Variants in PP2D1 observed in about 807,000 individuals in gnomAD.
The protein encoded by PP2D1 is protein phosphatase 2C like domain containing 1.
PP2D1 carries 25 observed loss-of-function variants against 30.2 expected under a neutral mutation model. The ratio of observed to expected loss-of-function variants is 0.83; its 90% CI spans 0.60 to 1.16. PP2D1 has a LOEUF of 1.16. Ranked by LOEUF, PP2D1 falls within the 50% of genes most tolerant of loss-of-function variation. The pLI is 0.00. For synonymous variants in PP2D1, 260 were observed against 258.9 expected, an observed-to-expected ratio of 1.00 and a Z score of -0.04; for missense variants, 760 against 742.4, an observed-to-expected ratio of 1.02 and a Z score of -0.28.
chr3:20,001,648 T>C lies in PP2D1; in HGVS notation c.472A>G (p.Ile158Val), dbSNP rs1697254559. ...KIFDNIDRSV[I>V]YSQKICHLLI... Reference sequence around the variant, plus strand: ...AGATGACATATTTTTTGAGAATATATGACACTCCTGTCAATGTTATCAAAA... The same window carrying C: ...AGATGACATATTTTTTGAGAATATACGACACTCCTGTCAATGTTATCAAAA... The change falls in exon 2 of 3, where the codon ATA becomes GTA. Residue 158 changes from isoleucine to valine, a missense_variant. Transcript: ENST00000389050. 6.5e-6 allele frequency: 10 copies of C among 1,536,246 alleles called. No homozygotes were observed. The East Asian group carries it at 2.4e-4, about 38-fold the overall frequency.
At chr3:19,995,900 T>C (rs1483436551) in intron 2 of PP2D1, among the ~76,000 whole-genome samples, 1 of 151,930 alleles carries the variant, frequency 6.6e-6, no homozygotes, top group Non-Finnish European at 1.5e-5. Context: ...ATAAAGGAAA[T>C]CAAAAACTTC....
At chr3:19,996,197 G>T (rs747030014) in intron 2 of PP2D1, among the ~76,000 whole-genome samples, 2 of 151,856 alleles carry the variant, frequency 1.3e-5, no homozygotes, top group African/African-American at 2.4e-5. Flanking sequence ...CCATTAGCTA[G>T]CCTAAACAAG....
At chr3:20,002,653 C>T (rs1006276180) in intron 1 of PP2D1, among the ~76,000 whole-genome samples, 2 of 152,218 alleles carry the variant, frequency 1.3e-5, no homozygotes, top group Non-Finnish European at 2.9e-5. Context: ...GGCACGGTGG[C>T]TCACGCCTGT....
chr3:19,987,885 C>A (rs1456518240), intron 2 of PP2D1, among the ~76,000 whole-genome samples: 1 of 152,156 alleles, frequency 6.6e-6, no homozygotes, highest in Non-Finnish European at 1.5e-5. Flanking sequence ...GTTAATACTT[C>A]TATAATTTCT....
intron 2 of PP2D1, among the ~76,000 whole-genome samples, chr3:19,986,914 G>A (rs769855776): frequency 7.2e-5 from 11 of 151,894 alleles, no homozygotes; most frequent in Non-Finnish European, 2.9e-5. Flanking sequence ...CCATGTTCCT[G>A]TAATCTCAGC....
At chr3:20,005,319 AT>A (rs1055391902) in intron 1 of PP2D1, among the ~76,000 whole-genome samples, 3 of 151,476 alleles carry the variant, frequency 2.0e-5, no homozygotes, top group Non-Finnish European at 4.4e-5. Context: ...CACCTGGCTA[AT>A]TTTGTATTTT....
intron 1 of PP2D1, among the ~76,000 whole-genome samples, chr3:20,005,186 C>A (rs1286069422): frequency 6.6e-6 from 1 of 151,196 alleles, no homozygotes. Context: ...GAGTTTCGCT[C>A]TTGTTGCCCA....
At chr3:19,989,672 T>C (rs1214927248) in intron 2 of PP2D1, among the ~76,000 whole-genome samples, 1 of 152,156 alleles carries the variant, frequency 6.6e-6, no homozygotes, top group Admixed American at 6.5e-5. Flanking sequence ...ACTGAGTAAA[T>C]GGAATTGTTA....
rs563768728 is a variant in PP2D1 at position 19,986,002 on chromosome 3, C to T, written c.1271G>A (p.Gly424Glu). 1.1e-5 allele frequency: 17 copies of T among 1,536,084 alleles called. 1 individual carries two copies. In the South Asian group the frequency reaches 1.5e-4, roughly 14 times the overall value. The change falls in exon 3 of 3, where the codon GGA becomes GAA. Residue 424 changes from glycine to glutamate, a missense_variant. Around this residue, in one of 3 missense-constraint regions of PP2D1, gnomAD observed 369 missense variants for 316.2 expected, o/e 1.17. Coordinates refer to ENST00000389050, the MANE Select transcript of PP2D1 (RefSeq NM_001252657.2). ...VKTTRGLGFH[G>E]NLKLKKSIIP... Reference sequence around the variant, plus strand: ...AATGGATTTTTTCAGCTTGAGATTTCCATGAAATCCAAGTCCTCGTGTAGT... The same window carrying T: ...AATGGATTTTTTCAGCTTGAGATTTTCATGAAATCCAAGTCCTCGTGTAGT...
At chr3:19,983,720 C>G (rs1472341323), downstream of PP2D1, 2 of 1,608,230 alleles carry the variant, frequency 1.2e-6, no homozygotes, top group Non-Finnish European at 1.7e-6. Flanking sequence ...AAAAAATTGC[C>G]AAAGAATGAA....
rs140057605 is a variant in PP2D1 at position 19,998,091 on chromosome 3, A to G, written c.1090+2939T>C. On this transcript the variant is annotated intron_variant, in intron 2 of 2. Transcript: ENST00000389050. ...ACGTCTGTAATACTAGCACTTTGGG[A>G]GGCAGAGGAGGGTGGGTCACCTGAG... Among the ~76,000 whole-genome samples, 404 of 152,256 alleles carry G rather than the reference A, an allele frequency of 2.7e-3. 4 individuals carry two copies. The highest frequency in any genetic ancestry group is 9.1e-3 in the African/African-American group (380 of 41,560).
At position 20,000,672 on chromosome 3, in the gene PP2D1, A is replaced by G. The variant is rs77210029; in HGVS notation, c.1090+358T>C. Among the ~76,000 whole-genome samples, 985 of 152,206 alleles carry G rather than the reference A, an allele frequency of 6.5e-3. 5 individuals are homozygous for G. Among genetic ancestry groups the G allele is most frequent in the Admixed American group, 0.013 (195 of 15,286 alleles). ...ACTAACAATGAGCAAACAACTTTCC[A>G]TTTTTCTGAAAAAAGGAAGTGTACA... On this transcript the variant is annotated intron_variant, in intron 2 of 2. Coordinates refer to ENST00000389050, the MANE Select transcript of PP2D1 (RefSeq NM_001252657.2).
intron 1 of PP2D1, among the ~76,000 whole-genome samples, chr3:20,005,760 A>G (rs529323270): frequency 6.6e-5 from 10 of 152,260 alleles, no homozygotes; most frequent in Non-Finnish European, 1.0e-4. Flanking sequence ...ATGCATCGTC[A>G]TGTTCTTAAG....
At chr3:19,982,065 G>T (rs1696939297), downstream of PP2D1, among the ~76,000 whole-genome samples, 1 of 151,426 alleles carries the variant, frequency 6.6e-6, no homozygotes, top group Non-Finnish European at 1.5e-5. Flanking sequence ...AACAGAGCAA[G>T]ACCCTATCTC....
intron 2 of PP2D1, among the ~76,000 whole-genome samples, chr3:19,999,721 T>C (rs1431416180): frequency 2.0e-5 from 3 of 152,176 alleles, no homozygotes; most frequent in African/African-American, 7.2e-5. Context: ...TATCCACTTA[T>C]TGAATATGTC....
chr3:19,994,566 C>T (rs1193982231), intron 2 of PP2D1, among the ~76,000 whole-genome samples: 1 of 152,168 alleles, frequency 6.6e-6, no homozygotes, highest in Non-Finnish European at 1.5e-5. Context: ...CAGGCAGACA[C>T]CAGGCAGGAG....
Position 20,001,514 on chromosome 3 carries a change from A to G in PP2D1, c.606T>C (p.Cys202=), listed in dbSNP as rs566403179. 1.4e-5 allele frequency: 21 copies of G among 1,536,010 alleles called. No homozygotes were observed. The highest frequency in any genetic ancestry group is 1.7e-5 in the Non-Finnish European group (20 of 1,146,750). ...GATGTCCATCAAACAAACCAAAAAA[A>G]CACACATTAGGTTTGTTACCAAAAT... is the stretch of plus-strand genomic sequence containing the variant. The part of the protein sequence containing the change: ...VSNFGNKPNV[C]FFGLFDGHHG... Residue 202 remains cysteine (C), a synonymous_variant, in exon 2 of 3, where the codon TGT becomes TGC. Coordinates refer to ENST00000389050, the MANE Select transcript of PP2D1 (RefSeq NM_001252657.2).
At position 20,012,054 on chromosome 3, in the gene PP2D1, A is replaced by G; in HGVS notation, c.19T>C (p.Leu7=). The G allele has an allele frequency of 6.5e-7, 1 of 1,531,898 alleles. No individual in the cohort carries two copies. Among genetic ancestry groups the G allele is most frequent in the Middle Eastern group, 1.7e-4 (1 of 5,980 alleles). The allele number at this position is 1,531,898 out of a possible 1,614,324, so 94.9% of individuals were successfully genotyped here. Residue 7 remains leucine, a synonymous_variant, in exon 1 of 3, where the codon TTA becomes CTA. Coordinates refer to ENST00000389050, the MANE Select transcript of PP2D1 (RefSeq NM_001252657.2). MSTNNA[L]RVFWKSREWN... is the part of the protein sequence containing the mutation. The stretch of plus-strand genomic sequence containing the variant: ...AAAAGATTTAAGAAAGTTTACCTTA[A>G]AGCATTATTGGTGCTCATGTTCCTT...
intron 2 of PP2D1, among the ~76,000 whole-genome samples, chr3:19,988,194 G>A (rs999053001): frequency 6.6e-6 from 1 of 152,176 alleles, no homozygotes; most frequent in African/African-American, 2.4e-5. Context: ...CACTGCCTGA[G>A]AGCTAGGCGG....
Sources: gnomAD v4.1 joint callset for allele counts (sites outside exome capture counted in the v4.1 genomes callset) on GRCh38, gnomAD v4.1.1 for gene constraint, gnomAD v4.1.1 regional missense constraint, MANE v1.5 for transcripts, NCBI Gene and HGNC (gene_info 2026-07-23, HGNC 2026-07-21) for gene names.